Variants in STAG1 observed in about 807,000 individuals in gnomAD.
The protein encoded by STAG1 is STAG1 cohesin complex component, also known as cohesin subunit SA-1.
Under a neutral mutation model 170.9 loss-of-function variants are expected in STAG1, and 26 were observed. That is an observed-to-expected ratio of 0.15 (90% CI 0.11 to 0.21). STAG1 has a LOEUF of 0.21. Ranked by LOEUF, STAG1 falls within the 10% of genes least tolerant of loss-of-function variation. The pLI, the probability that STAG1 is intolerant of heterozygous loss-of-function variation, is 1.00. For missense variants in STAG1, 964 were observed against 1,509.5 expected (o/e 0.64, Z 5.99); for synonymous variants, 514 against 497.7 (o/e 1.03, Z -0.44).
intron 21 of STAG1, among the ~76,000 whole-genome samples, chr3:136,412,128 A>G (rs1269156445): frequency 6.6e-6 from 1 of 152,208 alleles, no homozygotes; most frequent in Non-Finnish European, 1.5e-5. Flanking sequence ...ATAAAAAAAG[A>G]GTACTGATTT....
Position 136,366,961 on chromosome 3 carries a change from G to A in STAG1, c.2667C>T (p.Ile889=). Residue 889 remains isoleucine, a synonymous_variant, in exon 25 of 34, where the codon ATC becomes ATT. Coordinates refer to ENST00000383202, the MANE Select transcript of STAG1 (RefSeq NM_005862.3). ...ACTATACCTTCATGTAGTGTTTGAA[G>A]ATGTCTGCAGCTGCATGCATGTCAA... ...DIVDMHAAAD[I]FKHYMKYYND... 6.2e-7 allele frequency: 1 copy of A among 1,603,616 alleles called. No homozygotes were observed. The highest frequency in any genetic ancestry group is 1.1e-5 in the South Asian group (1 of 89,622).
intron 1 of STAG1, among the ~76,000 whole-genome samples, chr3:136,733,640 C>G (rs764222640): frequency 6.6e-6 from 1 of 152,192 alleles, no homozygotes; most frequent in Non-Finnish European, 1.5e-5. Flanking sequence ...ATTTCTTAGC[C>G]ATCTGTCATG....
chr3:136,656,852 G>A (rs1941394946), intron 1 of STAG1, among the ~76,000 whole-genome samples: 1 of 151,942 alleles, frequency 6.6e-6, no homozygotes, highest in Non-Finnish European at 1.5e-5. Context: ...CTTCCAGAAA[G>A]CATCTAATAT....
chr3:136,697,954 A>G (rs1942946181), intron 1 of STAG1, among the ~76,000 whole-genome samples: 1 of 152,154 alleles, frequency 6.6e-6, no homozygotes, highest in Admixed American at 6.6e-5. Flanking sequence ...GTCCACAGCC[A>G]TATTTTACTG....
intron 3 of STAG1, among the ~76,000 whole-genome samples, chr3:136,619,193 T>A (rs908517526): frequency 6.6e-6 from 1 of 151,370 alleles, no homozygotes; most frequent in African/African-American, 2.4e-5. Context: ...AAATGAAAAA[T>A]TTTTTAAACA....
At chr3:136,394,164 C>T (rs1482451198) in intron 22 of STAG1, among the ~76,000 whole-genome samples, 1 of 152,142 alleles carries the variant, frequency 6.6e-6, no homozygotes, top group Non-Finnish European at 1.5e-5. Context: ...CCTTGGCTTC[C>T]CAAAGTGCTG....
At chr3:136,450,363 T>C (rs1286068340) in intron 14 of STAG1, among the ~76,000 whole-genome samples, 2 of 152,300 alleles carry the variant, frequency 1.3e-5, no homozygotes, top group East Asian at 3.9e-4. Flanking sequence ...TGCATACACA[T>C]TTAAAATACT....
Position 136,586,406 on chromosome 3 carries a change from T to C in STAG1, c.298-17545A>G, listed in dbSNP as rs530804981. Among the ~76,000 whole-genome samples, 6 of 152,310 alleles carry C rather than the reference T, an allele frequency of 3.9e-5. No homozygotes were observed. In the South Asian group the frequency reaches 1.0e-3, roughly 26 times the overall value. Reference sequence around the variant, plus strand: ...TACGGGAAATCATGAAGGGACTTAATATTATCTAAAACACCCATGTTAATT... The same window carrying C: ...TACGGGAAATCATGAAGGGACTTAACATTATCTAAAACACCCATGTTAATT... On this transcript the variant is annotated intron_variant, in intron 4 of 33. Transcript: ENST00000383202.
At chr3:136,443,734 G>A (rs1018160798) in intron 14 of STAG1, among the ~76,000 whole-genome samples, 7 of 151,496 alleles carry the variant, frequency 4.6e-5, no homozygotes, top group Non-Finnish European at 7.4e-5. Context: ...TACTCCTTGC[G>A]GTCTCTTCAA....
chr3:136,622,343 CT>C (rs1939902679), intron 3 of STAG1, among the ~76,000 whole-genome samples: 1 of 151,366 alleles, frequency 6.6e-6, no homozygotes, highest in Non-Finnish European at 1.5e-5. Context: ...GAAACAGGCC[CT>C]TATTTTTAGC....
chr3:136,456,209 G>C (rs554927710), intron 13 of STAG1, among the ~76,000 whole-genome samples: 2 of 152,208 alleles, frequency 1.3e-5, no homozygotes, highest in South Asian at 4.1e-4. Flanking sequence ...AGGCAATTCA[G>C]GGTAATCCTC....
Position 136,604,321 on chromosome 3 carries a change from T to C in STAG1, c.285A>G (p.Lys95=). 1 of 1,605,814 alleles carries C rather than the reference T, an allele frequency of 6.2e-7. No individual in the cohort carries two copies. Among genetic ancestry groups the C allele is most frequent in the Non-Finnish European group, 8.5e-7 (1 of 1,178,150 alleles). Residue 95 remains lysine (K), a synonymous_variant, in exon 4 of 34, where the codon AAA becomes AAG. Coordinates refer to ENST00000383202, the MANE Select transcript of STAG1 (RefSeq NM_005862.3). The part of the protein sequence containing the change: ...VTLFEVVKLG[K]SAMQSVVDDW... ...ACTTAAAATTTACCTGCATTGCACT[T>C]TTCCCCAGTTTCACCACCTCAAATA...
At chr3:136,479,067 T>C (rs923014468) in intron 9 of STAG1, among the ~76,000 whole-genome samples, 5 of 150,888 alleles carry the variant, frequency 3.3e-5, no homozygotes, top group African/African-American at 4.9e-5. Context: ...TTTCTTTTTT[T>C]TTTTTTTTTA....
chr3:136,498,243 T>TATAC (rs1172679965), intron 9 of STAG1, among the ~76,000 whole-genome samples: 1 of 63,430 alleles, frequency 1.6e-5, no homozygotes, highest in Admixed American at 1.4e-4. Flanking sequence ...TACACATACA[T>TATAC]ATACATACAC....
chr3:136,527,025 A>C (rs1300768659), intron 6 of STAG1, among the ~76,000 whole-genome samples: 4 of 151,890 alleles, frequency 2.6e-5, no homozygotes, highest in African/African-American at 9.7e-5. Flanking sequence ...TGCCCTTAAC[A>C]TTTTTTCCTT....
chr3:136,711,079 ACT>A (rs1943369875), intron 1 of STAG1, among the ~76,000 whole-genome samples: 1 of 151,524 alleles, frequency 6.6e-6, no homozygotes. Context: ...ATATATATAT[ACT>A]TACTATGGCA....
chr3:136,394,324 C>A (rs1050655247), intron 22 of STAG1, among the ~76,000 whole-genome samples: 1 of 152,128 alleles, frequency 6.6e-6, no homozygotes, highest in African/African-American at 2.4e-5. Context: ...ACTGAATATA[C>A]CCTGGACTTT....
chr3:136,500,046 T>C (rs1400392422), intron 9 of STAG1, 177 bp downstream of exon 9: 2 of 523,778 alleles, frequency 3.8e-6, no homozygotes, highest in Non-Finnish European at 6.9e-6. Flanking sequence ...ACAGTGGTAG[T>C]GGCAGCAGTC....
chr3:136,402,947 C>G (rs558533477), intron 21 of STAG1, among the ~76,000 whole-genome samples: 1 of 151,268 alleles, frequency 6.6e-6, no homozygotes, highest in Non-Finnish European at 1.5e-5. Flanking sequence ...ATGACCTGGT[C>G]CTGGGTGCAG....
Sources: allele counts gnomAD v4.1 joint callset (sites outside exome capture counted in the v4.1 genomes callset), GRCh38; gene constraint gnomAD v4.1.1; transcripts MANE v1.5; gene names NCBI Gene and HGNC (gene_info 2026-07-23, HGNC 2026-07-21).